Variants in PCDH9 observed in about 807,000 individuals in gnomAD.
The protein encoded by PCDH9 is protocadherin 9, also known as protocadherin-9.
In PCDH9, 24 loss-of-function variants were observed where a neutral mutation model predicts 70.6. The ratio of observed to expected loss-of-function variants is 0.34; its 90% CI spans 0.25 to 0.48. The LOEUF (loss-of-function observed/expected upper bound fraction) is 0.48. PCDH9 is among the 20% of genes least tolerant of loss of function. The pLI is 0.99. For synonymous variants in PCDH9, 562 were observed against 558.5 expected (o/e 1.01, Z -0.09); for missense variants, 1,281 against 1,503.6 (o/e 0.85, Z 2.45).
intron 2 of PCDH9, chr13:67,203,788 A>AAC (rs1424708350): frequency 6.6e-6 from 1 of 152,108 alleles, no homozygotes. Context: ...ATTAAAGTCT[A>AAC]AGAACAGAAA....
chr13:66,733,771 T>G (rs979593285), intron 3 of PCDH9, among the ~76,000 whole-genome samples: 10 of 152,136 alleles, frequency 6.6e-5, no homozygotes, highest in South Asian at 4.1e-4. Context: ...GACTGTACTT[T>G]GAAAAATGTC....
intron 2 of PCDH9, among the ~76,000 whole-genome samples, chr13:67,074,447 C>T (rs2085837281): frequency 6.6e-6 from 1 of 152,126 alleles, no homozygotes; most frequent in Admixed American, 6.6e-5. Flanking sequence ...AAGCTACCTG[C>T]TCTACGGTAT....
At chr13:66,599,698 C>T (rs2077143349) in intron 4 of PCDH9, among the ~76,000 whole-genome samples, 2 of 151,706 alleles carry the variant, frequency 1.3e-5, no homozygotes, top group African/African-American at 4.8e-5. Context: ...CTCAGCCTCA[C>T]CTCAGCCTCA....
chr13:66,354,440 T>C (rs2030658233), intron 4 of PCDH9, among the ~76,000 whole-genome samples: 1 of 152,144 alleles, frequency 6.6e-6, no homozygotes, highest in African/African-American at 2.4e-5. Context: ...GAAAAATTAT[T>C]GGCCCCAATG....
At chr13:66,335,591 G>C (rs1255695068) in intron 4 of PCDH9, among the ~76,000 whole-genome samples, 7 of 152,006 alleles carry the variant, frequency 4.6e-5, no homozygotes, top group African/African-American at 1.7e-4. Context: ...AGAATAAATG[G>C]AAAATCAGAA....
chr13:66,325,138 C>T (rs1009977130), intron 4 of PCDH9, among the ~76,000 whole-genome samples: 4 of 151,972 alleles, frequency 2.6e-5, no homozygotes, highest in African/African-American at 4.8e-5. Context: ...GACAACAAAA[C>T]AGGTGGGGTC....
intron 2 of PCDH9, among the ~76,000 whole-genome samples, chr13:67,097,604 C>T (rs967081227): frequency 1.3e-4 from 20 of 152,136 alleles, no homozygotes; most frequent in Admixed American, 1.2e-3. Context: ...ACAAGTACCA[C>T]TCAGTAAATT....
chr13:66,423,417 C>G (rs1397816345), intron 4 of PCDH9, among the ~76,000 whole-genome samples: 1 of 151,290 alleles, frequency 6.6e-6, no homozygotes, highest in Non-Finnish European at 1.5e-5. Context: ...AACATCATTG[C>G]GAAAATCCTC....
At chr13:67,020,820 C>T (rs1247978547) in intron 2 of PCDH9, among the ~76,000 whole-genome samples, 1 of 152,138 alleles carries the variant, frequency 6.6e-6, no homozygotes, top group African/African-American at 2.4e-5. Flanking sequence ...TATCTGTCAT[C>T]TGTTAATTGT....
chr13:66,911,929 C>T (rs2139621254), intron 2 of PCDH9, among the ~76,000 whole-genome samples: 1 of 152,226 alleles, frequency 6.6e-6, no homozygotes, highest in Middle Eastern at 3.4e-3. Flanking sequence ...CAGGGTTAGT[C>T]AGGATTATAT....
chr13:66,858,508 C>G (rs1452134057), intron 3 of PCDH9, among the ~76,000 whole-genome samples: 2 of 152,148 alleles, frequency 1.3e-5, no homozygotes, highest in Non-Finnish European at 2.9e-5. Context: ...TACATTAAGC[C>G]TAACACTCAT....
chr13:66,486,387 G>A (rs939578036), intron 4 of PCDH9, among the ~76,000 whole-genome samples: 3 of 152,036 alleles, frequency 2.0e-5, no homozygotes, highest in Non-Finnish European at 4.4e-5. Flanking sequence ...AGCCTAGGAG[G>A]TCAAGGCTTC....
At position 66,342,787 on chromosome 13, in the gene PCDH9, TTATTTATTG is replaced by T. The variant is rs1374547655; in HGVS notation, c.3341-37768_3341-37760del. 9.4e-3 allele frequency among the ~76,000 whole-genome samples: 1,337 copies of T among 142,532 alleles called. 4 individuals carry two copies. Among genetic ancestry groups the T allele is most frequent in the African/African-American group, 0.019 (747 of 39,094 alleles). 93.5% of individuals were successfully genotyped at this position (142,532 alleles called of 152,430 possible). A position where few individuals can be genotyped will look rare whatever the true frequency, so the allele number is the denominator to read the frequency against. On this transcript the variant is annotated intron_variant, in intron 4 of 4. Coordinates refer to ENST00000377865, the MANE Select transcript of PCDH9 (RefSeq NM_203487.3). ...ACCACATCCGGCTGATTTATTGTAT[TTATTTATTG>T]TATTTATTTATTTATTTATTTATTT...
intron 2 of PCDH9, among the ~76,000 whole-genome samples, chr13:67,029,899 CA>C (rs2084869752): frequency 6.6e-6 from 1 of 151,998 alleles, no homozygotes; most frequent in South Asian, 2.1e-4. Flanking sequence ...ATCTTTCTGT[CA>C]AAGTTATTGT....
At position 66,847,469 on chromosome 13, in the gene PCDH9, A is replaced by G. The variant is rs1310157736; in HGVS notation, c.3138+56035T>C. The stretch of plus-strand genomic sequence containing the variant: ...AAGTTTATAAGTTAGGCACAGTAAG[A>G]GATTAATGACAATAACTAATAATAA... On this transcript the variant is annotated intron_variant, in intron 3 of 4. Transcript: ENST00000377865. 3.3e-5 allele frequency among the ~76,000 whole-genome samples: 5 copies of G among 152,224 alleles called. No individual in the cohort carries two copies. The East Asian group carries it at 9.6e-4, about 29-fold the overall frequency.
chr13:66,933,433 G>T (rs2082849330), intron 2 of PCDH9, among the ~76,000 whole-genome samples: 1 of 152,138 alleles, frequency 6.6e-6, no homozygotes, highest in Non-Finnish European at 1.5e-5. Context: ...TTATCATGTT[G>T]TAGTTGGTAT....
chr13:66,590,940 T>A (rs1312416429), intron 4 of PCDH9, among the ~76,000 whole-genome samples: 1 of 151,756 alleles, frequency 6.6e-6, no homozygotes, highest in African/African-American at 2.4e-5. Context: ...AGTATCCAAA[T>A]AAACCCAAAA....
chr13:66,844,318 G>A (rs1044939768), intron 3 of PCDH9, among the ~76,000 whole-genome samples: 2 of 152,034 alleles, frequency 1.3e-5, no homozygotes, highest in African/African-American at 4.8e-5. Flanking sequence ...CAGGCACAGT[G>A]GCTTACTCCT....
intron 4 of PCDH9, among the ~76,000 whole-genome samples, chr13:66,499,278 A>G (rs1226080413): frequency 1.3e-5 from 2 of 152,110 alleles, no homozygotes; most frequent in Non-Finnish European, 1.5e-5. Flanking sequence ...TTTATATTAA[A>G]TCTTTAAAGC....
Sources: gnomAD v4.1 joint callset for allele counts (sites outside exome capture counted in the v4.1 genomes callset) on GRCh38, gnomAD v4.1.1 for gene constraint, MANE v1.5 for transcripts, NCBI Gene and HGNC (gene_info 2026-07-23, HGNC 2026-07-21) for gene names.